The following SYNJ1 variants were observed in gnomAD, a reference collection of about 807,000 sequenced individuals.
SYNJ1 encodes synaptojanin 1.
SYNJ1 carries 78 observed loss-of-function variants against 168.2 expected under a neutral mutation model. That is an observed-to-expected ratio of 0.46 (90% CI 0.39 to 0.56). The LOEUF is 0.56. Among genes scored for constraint, SYNJ1 ranks in the 20% least tolerant of loss-of-function variants. The probability of loss-of-function intolerance (pLI) is 0.00; values close to 1 mark genes in which losing one functional copy is unlikely to be tolerated. For missense variants in SYNJ1, 1,303 were observed against 1,597.6 expected (o/e 0.82, Z 3.14); for synonymous variants, 539 against 548.6 (o/e 0.98, Z 0.24).
chr21:32,651,978 A>T (rs2040286833), intron 22 of SYNJ1, among the ~76,000 whole-genome samples: 1 of 152,160 alleles, frequency 6.6e-6, no homozygotes, highest in South Asian at 2.1e-4. Flanking sequence ...ATTTGTGTTA[A>T]TGTGTTTGTG....
At chr21:32,660,252 A>G (rs1057475757) in intron 18 of SYNJ1, among the ~76,000 whole-genome samples, 1 of 152,252 alleles carries the variant, frequency 6.6e-6, no homozygotes, top group Non-Finnish European at 1.5e-5. Flanking sequence ...TGTTAGCACA[A>G]GAAGCAGATA....
intron 12 of SYNJ1, among the ~76,000 whole-genome samples, chr21:32,676,952 T>A (rs539064260): frequency 6.6e-6 from 1 of 152,144 alleles, no homozygotes; most frequent in Admixed American, 6.6e-5. Flanking sequence ...ATAAAAATAG[T>A]AGCAAGACAT....
At chr21:32,664,051 G>C (rs2040822914) in intron 18 of SYNJ1, among the ~76,000 whole-genome samples, 1 of 152,184 alleles carries the variant, frequency 6.6e-6, no homozygotes, top group Non-Finnish European at 1.5e-5. Flanking sequence ...TTGAAAAATG[G>C]TTCCCAGTGC....
In SYNJ1 at chr21:32,646,485, T is replaced by G. The variant is rs1261891498; in HGVS notation, c.3155A>C (p.Gln1052Pro). The G allele has an allele frequency of 1.9e-6, 3 of 1,614,152 alleles. No homozygotes were observed. The highest frequency in any genetic ancestry group is 1.7e-6 in the Non-Finnish European group (2 of 1,180,018). Residue 1052 changes from glutamine (Q) to proline (P), a missense_variant, in exon 24 of 33, where the codon CAG becomes CCG. Physicochemically the swap from Gln to Pro is moderately conservative, Grantham distance 76. Around this residue, in one of 2 missense-constraint regions of SYNJ1, gnomAD observed 383 missense variants for 388.8 expected, o/e 0.99. Coordinates refer to ENST00000674351, the MANE Select transcript of SYNJ1 (RefSeq NM_203446.3). ...AGGACCCTCTGATATTGTAGGTGAC[T>G]GGCAGGGACTAGTTCGGGGTGAAGA... is the stretch of plus-strand genomic sequence containing the variant. ...PSSSPRTSPC[Q>P]SPTISEGPVP...
At position 32,694,520 on chromosome 21, in the gene SYNJ1, A is replaced by C. The variant is rs116699197; in HGVS notation, c.706-209T>G. Among the ~76,000 whole-genome samples, 1,789 of 152,300 alleles carry C rather than the reference A, an allele frequency of 0.012. 34 individuals are homozygous for C. The highest frequency in any genetic ancestry group is 0.039 in the African/African-American group (1,607 of 41,552). ...CAAAAAAATTAGTAAAATTATAAGC[A>C]TAAGATTCACAACTTTAAAAAATAA... On this transcript the variant is annotated intron_variant, in intron 5 of 32. Transcript: ENST00000674351.
intron 4 of SYNJ1, among the ~76,000 whole-genome samples, chr21:32,699,029 T>C (rs557363103): frequency 5.8e-4 from 89 of 152,270 alleles, no homozygotes; most frequent in African/African-American, 1.3e-3. Flanking sequence ...TTATGTCACA[T>C]GCCAACTTCA....
intron 19 of SYNJ1, 69 bp from the exon 20 acceptor site, chr21:32,657,189 G>C: frequency 9.6e-7 from 1 of 1,039,838 alleles, no homozygotes. Flanking sequence ...GAGCAAAGAG[G>C]CATTCTCCTT....
chr21:32,687,934 C>T lies in SYNJ1; in HGVS notation c.851+372G>A, dbSNP rs2041888397. 2.0e-5 allele frequency among the ~76,000 whole-genome samples: 3 copies of T among 152,040 alleles called. No homozygotes were observed. In the South Asian group the frequency reaches 6.2e-4, roughly 32 times the overall value. On this transcript the variant is annotated intron_variant, in intron 7 of 32. Transcript: ENST00000674351. ...TCTGAGTATACCGAACATGATTTTA[C>T]TAATGAGATACCTTACATTCTTTTT...
intron 2 of SYNJ1, among the ~76,000 whole-genome samples, chr21:32,710,433 A>C (rs1036520611): frequency 6.6e-6 from 1 of 152,238 alleles, no homozygotes; most frequent in Admixed American, 6.5e-5. Context: ...TGAGACAGCC[A>C]GAAGCTACTG....
At chr21:32,673,108 A>T (rs1012642749) in intron 14 of SYNJ1, among the ~76,000 whole-genome samples, 2 of 152,178 alleles carry the variant, frequency 1.3e-5, no homozygotes, top group Non-Finnish European at 2.9e-5. Flanking sequence ...TGGAAAAAAG[A>T]TTTTTTGTTT....
Position 32,673,458 on chromosome 21 carries a change from A to C in SYNJ1, c.1608T>G (p.Cys536Trp). ...KYSKPKKIRV[C>W]VGTWNVNGGK... The stretch of plus-strand genomic sequence containing the variant: ...CACCATTCACATTCCAGGTTCCGAC[A>C]CATACTCGAATTTTCTTAGGCTTTG... Residue 536 changes from cysteine (C) to tryptophan (W), a missense_variant, in exon 14 of 33, where the codon TGT becomes TGG. This residue lies in a region of SYNJ1 where 920 missense variants were observed against 1,208.8 expected (regional missense o/e 0.76). Transcript: ENST00000674351. 6.2e-7 allele frequency: 1 copy of C among 1,613,286 alleles called. No individual in the cohort carries two copies. Among genetic ancestry groups the C allele is most frequent in the Non-Finnish European group, 8.5e-7 (1 of 1,179,662 alleles).
rs755098852 is a variant in SYNJ1 at position 32,639,105 on chromosome 21, G to A, written c.3718C>T (p.Pro1240Ser). 2 of 1,612,496 alleles carry A rather than the reference G, an allele frequency of 1.2e-6. No homozygotes were observed. Among genetic ancestry groups the A allele is most frequent in the Non-Finnish European group, 1.7e-6 (2 of 1,179,042 alleles). The change falls in exon 31 of 33, where the codon CCA becomes TCA. Residue 1240 changes from proline (P) to serine (S), a missense_variant. By Grantham distance (74) the Pro-to-Ser change is moderately conservative. This residue lies in a region of SYNJ1 where 383 missense variants were observed against 388.8 expected (regional missense o/e 0.99). Transcript: ENST00000674351. ...GGAAAAGCAGCCTGAGGCTTCAGTG[G>A]TTCAGGAAGGAAAGTTGAACCTAAA... ...TSKGSTFLPE[P>S]LKPQAAFPPQ...
chr21:32,689,626 G>A (rs941211811), intron 6 of SYNJ1, among the ~76,000 whole-genome samples: 1 of 152,210 alleles, frequency 6.6e-6, no homozygotes, highest in African/African-American at 2.4e-5. Context: ...GTAAAAGGGG[G>A]GTTGTCAAAT....
At chr21:32,707,939 C>T (rs2042675169) in intron 2 of SYNJ1, among the ~76,000 whole-genome samples, 2 of 152,108 alleles carry the variant, frequency 1.3e-5, no homozygotes, top group African/African-American at 4.8e-5. Context: ...ACTGCTTGAG[C>T]CTGGGAGGCG....
chr21:32,641,926 T>G lies in SYNJ1; in HGVS notation c.3558A>C (p.Pro1186=). Residue 1186 remains proline, a synonymous_variant, in exon 29 of 33, where the codon CCA becomes CCC. Coordinates refer to ENST00000674351, the MANE Select transcript of SYNJ1 (RefSeq NM_203446.3). ...QPSPQAGLAG[P]GPAGYSTARP... ...TGGCTGTACTGTATCCAGCAGGTCC[T>G]GGGCCTGCAAGTCCTGCTTGAGGTG... 6.2e-7 allele frequency: 1 copy of G among 1,613,820 alleles called. No individual in the cohort carries two copies. The highest frequency in any genetic ancestry group is 8.5e-7 in the Non-Finnish European group (1 of 1,179,836).
Position 32,638,716 on chromosome 21 carries a change from C to A in SYNJ1, c.3915+192G>T, listed in dbSNP as rs111626801. On this transcript the variant is annotated intron_variant, in intron 31 of 32. Coordinates refer to ENST00000674351, the MANE Select transcript of SYNJ1 (RefSeq NM_203446.3). The stretch of plus-strand genomic sequence containing the variant: ...CGTCTTAAAAAGGAAAAAACAAACA[C>A]ACAAACAACAACAAAAAACCCAAAC... Among the ~76,000 whole-genome samples the A allele has an allele frequency of 7.2e-5, 11 of 151,898 alleles. 1 individual carries two copies. Among genetic ancestry groups the A allele is most frequent in the African/African-American group, 2.7e-4 (11 of 41,466 alleles).
chr21:32,649,521 G>A (rs142342300), intron 23 of SYNJ1, among the ~76,000 whole-genome samples: 39 of 152,272 alleles, frequency 2.6e-4, no homozygotes, highest in Non-Finnish European at 4.4e-4. Context: ...AATTTTCGGC[G>A]TAATTACTTA....
chr21:32,719,035 T>TG (rs2043122479), intron 2 of SYNJ1, among the ~76,000 whole-genome samples: 1 of 152,224 alleles, frequency 6.6e-6, no homozygotes, highest in Admixed American at 6.5e-5. Context: ...ACTATGTCAT[T>TG]GGGGCAGTTA....
At chr21:32,708,612 T>C (rs1285269672) in intron 2 of SYNJ1, among the ~76,000 whole-genome samples, 3 of 152,238 alleles carry the variant, frequency 2.0e-5, no homozygotes, top group Non-Finnish European at 4.4e-5. Flanking sequence ...ACACATAAGC[T>C]AAAGCAAATT....
Sources: gnomAD v4.1 joint callset for allele counts (sites outside exome capture counted in the v4.1 genomes callset) on GRCh38, gnomAD v4.1.1 for gene constraint, gnomAD v4.1.1 regional missense constraint, MANE v1.5 for transcripts, NCBI Gene and HGNC (gene_info 2026-07-23, HGNC 2026-07-21) for gene names.